ANO5: variants seen among roughly 807,000 people sequenced by gnomAD.
ANO5 encodes the protein anoctamin-5.
ANO5 carries 109 observed loss-of-function variants against 121.0 expected under a neutral mutation model. The observed-to-expected ratio is 0.90, with a 90% CI of 0.77 to 1.06. The LOEUF (loss-of-function observed/expected upper bound fraction) is 1.06, where lower values mean the gene tolerates loss of function less well. Ranked by LOEUF, ANO5 falls within the 50% of genes least tolerant of loss-of-function variation. The pLI is 0.00. For missense variants in ANO5, 1,064 were observed against 1,078.5 expected (o/e 0.99, Z 0.19); for synonymous variants, 406 against 359.9 (o/e 1.13, Z -1.45).
intron 7 of ANO5, among the ~76,000 whole-genome samples, chr11:22,228,405 G>T (rs12287796): frequency 0.055 from 8,306 of 152,058 alleles, 782 homozygotes; most frequent in African/African-American, 0.19. Flanking sequence ...GTGATAAAAT[G>T]TGATGTTTCA....
At chr11:22,272,642 G>T (rs1854663692) in intron 18 of ANO5, 142 bp from the exon 19 acceptor site, 1 of 773,250 alleles carries the variant, frequency 1.3e-6, no homozygotes. Context: ...GGTAGAGGAG[G>T]AACTGGACAG....
At chr11:22,270,579 G>A in intron 18 of ANO5, 137 bp downstream of exon 18, 12 of 1,278,946 alleles carry the variant, frequency 9.4e-6, no homozygotes, top group Non-Finnish European at 1.3e-5. Flanking sequence ...ATGAGTGGAG[G>A]GATATAAAGA....
chr11:22,274,822 C>T, intron 20 of ANO5, 75 bp downstream of exon 20: 1 of 1,521,000 alleles, frequency 6.6e-7, no homozygotes, highest in Non-Finnish European at 9.0e-7. Context: ...TATTACCTTT[C>T]TGTCTTACAA....
At chr11:22,265,142 C>A (rs1320116565) in intron 17 of ANO5, among the ~76,000 whole-genome samples, 1 of 152,010 alleles carries the variant, frequency 6.6e-6, no homozygotes, top group Non-Finnish European at 1.5e-5. Flanking sequence ...TAATAGAATT[C>A]AATTCATACC....
chr11:22,272,699 C>T (rs1854666707), intron 18 of ANO5, 85 bp from the exon 19 acceptor site: 8 of 1,285,304 alleles, frequency 6.2e-6, no homozygotes, highest in East Asian at 2.4e-5. Flanking sequence ...CACTCCAAAA[C>T]GAAGGAAGTA....
chr11:22,262,026 G>A (rs896733254), intron 15 of ANO5, 103 bp from the exon 16 acceptor site: 3 of 1,112,664 alleles, frequency 2.7e-6, no homozygotes, highest in Admixed American at 1.9e-5. Flanking sequence ...GCATTCTATA[G>A]GCTCCCAGAA....
intron 7 of ANO5, among the ~76,000 whole-genome samples, chr11:22,231,430 A>C (rs1419798910): frequency 6.6e-6 from 1 of 151,954 alleles, no homozygotes; most frequent in Non-Finnish European, 1.5e-5. Context: ...TAAAATGAAA[A>C]GATAAGTTAT....
chr11:22,242,052 G>A (rs531483954), intron 9 of ANO5, among the ~76,000 whole-genome samples: 7 of 152,034 alleles, frequency 4.6e-5, no homozygotes, highest in African/African-American at 1.7e-4. Flanking sequence ...TCCATCTTTA[G>A]TTATTTTTCT....
intron 10 of ANO5, 151 bp downstream of exon 10, chr11:22,250,522 T>C (rs1853776427): frequency 8.3e-7 from 1 of 1,205,152 alleles, no homozygotes; most frequent in Non-Finnish European, 1.2e-6. Flanking sequence ...AACATAACAG[T>C]TGCCTCTCAC....
intron 1 of ANO5, among the ~76,000 whole-genome samples, chr11:22,198,719 T>C (rs1480187843): frequency 1.3e-5 from 2 of 152,212 alleles, no homozygotes; most frequent in Non-Finnish European, 2.9e-5. Context: ...TTTTGTTTGA[T>C]GCATTGTTCT....
At chr11:22,269,263 AAAGGG>A (rs1476019878) in intron 17 of ANO5, among the ~76,000 whole-genome samples, 24 of 77,108 alleles carry the variant, frequency 3.1e-4, no homozygotes, top group Admixed American at 1.4e-3. Flanking sequence ...AAGAGAAGGA[AAAGGG>A]AAGGGAAGGG....
At chr11:22,274,163 T>TACACACACACACACACAC (rs34022294) in intron 19 of ANO5, among the ~76,000 whole-genome samples, 1 of 143,748 alleles carries the variant, frequency 7.0e-6, no homozygotes, top group African/African-American at 2.6e-5. Context: ...GTTAATCTCT[T>TACACACACACACACACAC]ACACACACAC....
At chr11:22,211,169 A>G in intron 2 of ANO5, 95 bp from the exon 3 acceptor site, 1 of 1,311,938 alleles carries the variant, frequency 7.6e-7, no homozygotes, top group East Asian at 2.3e-5. Context: ...GTGTTTCTGC[A>G]TAGAGATTAC....
intron 18 of ANO5, among the ~76,000 whole-genome samples, chr11:22,272,009 A>G (rs772639058): frequency 6.6e-6 from 1 of 152,196 alleles, no homozygotes; most frequent in Non-Finnish European, 1.5e-5. Context: ...ATGGAGGAAT[A>G]ACGGAAATTT....
At chr11:22,272,440 T>G (rs1054021833) in intron 18 of ANO5, among the ~76,000 whole-genome samples, 3 of 151,850 alleles carry the variant, frequency 2.0e-5, no homozygotes, top group Non-Finnish European at 4.4e-5. Context: ...GTTACCTCAC[T>G]AAATTGCTAA....
At chr11:22,211,983 A>G (rs1852291824) in intron 3 of ANO5, among the ~76,000 whole-genome samples, 1 of 99,442 alleles carries the variant, frequency 1.0e-5, no homozygotes, top group Admixed American at 1.0e-4. Context: ...TTTCTTTTTA[A>G]ATTTATTTTT....
intron 9 of ANO5, among the ~76,000 whole-genome samples, chr11:22,244,755 G>C (rs1245199498): frequency 6.6e-6 from 1 of 151,840 alleles, no homozygotes; most frequent in Non-Finnish European, 1.5e-5. Flanking sequence ...TCCTAAAATG[G>C]CTATTTCATC....
intron 17 of ANO5, among the ~76,000 whole-genome samples, chr11:22,264,475 T>A (rs10833731): frequency 0.7 from 101,359 of 145,554 alleles, 35,020 homozygotes; most frequent in Middle Eastern, 0.76. Flanking sequence ...AAAAAAATTT[T>A]AAAAAAAAAA....
At chr11:22,226,856 A>G (rs890385490) in intron 6 of ANO5, among the ~76,000 whole-genome samples, 3 of 152,158 alleles carry the variant, frequency 2.0e-5, no homozygotes, top group African/African-American at 7.2e-5. Context: ...TGTAGGCTAA[A>G]CAAAGAAGCT....
Sources: gnomAD v4.1 joint callset for allele counts (sites outside exome capture counted in the v4.1 genomes callset) on GRCh38, gnomAD v4.1.1 for gene constraint, MANE v1.5 for transcripts, NCBI Gene and HGNC (gene_info 2026-07-23, HGNC 2026-07-21) for gene names.